The following ACVR2A variants were observed in gnomAD, a reference collection of about 807,000 sequenced individuals.
ACVR2A encodes the protein activin receptor type-2A.
In ACVR2A, 7 loss-of-function variants were observed where a neutral mutation model predicts 61.4. The ratio of observed to expected loss-of-function variants is 0.11; its 90% CI spans 0.06 to 0.21. The LOEUF (loss-of-function observed/expected upper bound fraction) is 0.21. Ranked by LOEUF, ACVR2A falls within the 10% of genes least tolerant of loss-of-function variation. The pLI is 1.00. For missense variants in ACVR2A, 322 were observed against 621.7 expected (o/e 0.52, Z 5.13); for synonymous variants, 193 against 208.3 (o/e 0.93, Z 0.63).
At chr2:147,894,075 T>A (rs1418296394) in intron 1 of ACVR2A, among the ~76,000 whole-genome samples, 1 of 152,150 alleles carries the variant, frequency 6.6e-6, no homozygotes, top group Non-Finnish European at 1.5e-5. Flanking sequence ...TTGTTTTTTC[T>A]TTTTGTGTAT....
chr2:147,902,352 CTTA>C (rs1248755752), intron 4 of ACVR2A, among the ~76,000 whole-genome samples: 1 of 151,902 alleles, frequency 6.6e-6, no homozygotes, highest in Admixed American at 6.6e-5. Flanking sequence ...AAGCTTTGTT[CTTA>C]TTACTTACGC....
intron 1 of ACVR2A, among the ~76,000 whole-genome samples, chr2:147,881,761 A>G (rs989145566): frequency 5.3e-5 from 8 of 151,834 alleles, no homozygotes; most frequent in African/African-American, 1.9e-4. Flanking sequence ...TAACTTGTCT[A>G]TCATTAAGTT....
chr2:147,888,681 C>CTT (rs1156497786), intron 1 of ACVR2A, among the ~76,000 whole-genome samples: 500 of 136,748 alleles, frequency 3.7e-3, no homozygotes, highest in East Asian at 8.9e-3. Context: ...GCTGCTGCTT[C>CTT]TTTTTTTTTT....
At chr2:147,910,949 A>G (rs538291045) in intron 4 of ACVR2A, among the ~76,000 whole-genome samples, 104 of 152,242 alleles carry the variant, frequency 6.8e-4, no homozygotes, top group African/African-American at 2.4e-3. Flanking sequence ...GCACATAGCC[A>G]CCAGAAACAT....
At chr2:147,850,336 T>C (rs1685413254) in intron 1 of ACVR2A, among the ~76,000 whole-genome samples, 1 of 152,160 alleles carries the variant, frequency 6.6e-6, no homozygotes, top group Non-Finnish European at 1.5e-5. Flanking sequence ...CCAGATAGTC[T>C]TTTCCACTGT....
chr2:147,926,879 CTT>C (rs1402580258), intron 10 of ACVR2A, among the ~76,000 whole-genome samples, 199 bp from the exon 11 acceptor site: 2 of 151,294 alleles, frequency 1.3e-5, no homozygotes, highest in Non-Finnish European at 1.5e-5. Context: ...AAAAATTCCT[CTT>C]GTGATAGTCT....
In ACVR2A at chr2:147,930,635, C is replaced by G. The variant is rs909541323; in HGVS notation, c.*3361C>G. ...GTTATTTTCGCTTTACTCTGTATTT[C>G]TTGTGTTTTGGGCACAGGTTATTGT... On this transcript the variant is annotated 3_prime_UTR_variant, in exon 11 of 11. Coordinates refer to ENST00000241416, the MANE Select transcript of ACVR2A (RefSeq NM_001616.5). 1.3e-5 allele frequency: 2 copies of G among 152,220 alleles called. No homozygotes were observed. Among genetic ancestry groups the G allele is most frequent in the Non-Finnish European group, 2.9e-5 (2 of 67,922 alleles). The allele number at this position is 152,220 out of a possible 1,614,324, so 9.4% of individuals were successfully genotyped here. A position where few individuals can be genotyped will look rare whatever the true frequency, so the allele number is the denominator to read the frequency against.
rs1687612773 is a variant in ACVR2A at position 147,929,709 on chromosome 2, A to C, written c.*2435A>C. 6.6e-6 allele frequency: 1 copy of C among 152,188 alleles called. No homozygotes were observed. The highest frequency in any genetic ancestry group is 1.5e-5 in the Non-Finnish European group (1 of 67,970). The allele number at this position is 152,188 out of a possible 1,614,324, so 9.4% of individuals were successfully genotyped here. ...CAGTGCAGAGTGGGCAAGTTAACAG[A>C]AAGTTTGAGCTAGAGATACTGGAAA... On this transcript the variant is annotated 3_prime_UTR_variant, in exon 11 of 11. Transcript: ENST00000241416.
At chr2:147,890,366 G>GTGTGTGTGTGTA (rs1205401984) in intron 1 of ACVR2A, among the ~76,000 whole-genome samples, 2 of 151,746 alleles carry the variant, frequency 1.3e-5, no homozygotes, top group Non-Finnish European at 2.9e-5. Context: ...GTGTGTGTGT[G>GTGTGTGTGTGTA]TGTATACACA....
intron 1 of ACVR2A, among the ~76,000 whole-genome samples, chr2:147,856,376 T>G (rs1685574015): frequency 6.6e-6 from 1 of 152,226 alleles, no homozygotes; most frequent in South Asian, 2.1e-4. Context: ...GATTTTTTCA[T>G]TTTGGAAGCA....
chr2:147,908,906 A>G (rs1419869392), intron 4 of ACVR2A, among the ~76,000 whole-genome samples: 1 of 152,122 alleles, frequency 6.6e-6, no homozygotes, highest in East Asian at 1.9e-4. Context: ...ATCTTATAAC[A>G]CATATCATAT....
chr2:147,851,404 T>C (rs1168156704), intron 1 of ACVR2A, among the ~76,000 whole-genome samples: 1 of 152,122 alleles, frequency 6.6e-6, no homozygotes, highest in Non-Finnish European at 1.5e-5. Context: ...TGGGGGGATA[T>C]TAATAGTGCC....
intron 1 of ACVR2A, among the ~76,000 whole-genome samples, chr2:147,850,112 G>T (rs1324442469): frequency 6.6e-6 from 1 of 152,042 alleles, no homozygotes; most frequent in Non-Finnish European, 1.5e-5. Flanking sequence ...TCACTGCTCT[G>T]TAACTCATTG....
rs1161332561 is a variant in ACVR2A, at chr2:147,845,210, A to G, written c.55+3A>G. 1 of 1,611,600 alleles carries G rather than the reference A, an allele frequency of 6.2e-7. No homozygotes were observed. Among genetic ancestry groups the G allele is most frequent in the African/African-American group, 1.3e-5 (1 of 74,550 alleles). ...CTTTCTTATCTCCTGTTCTTCAGGT[A>G]GGTGCAGGGAGCGCGGCGCGGTGGG... On this transcript the variant is annotated splice_donor_region_variant and intron_variant, in intron 1 of 10. Transcript: ENST00000241416.
chr2:147,855,080 C>T (rs1468273549), intron 1 of ACVR2A, among the ~76,000 whole-genome samples: 1 of 152,084 alleles, frequency 6.6e-6, no homozygotes, highest in Admixed American at 6.6e-5. Context: ...GGGGTTTAAC[C>T]ATGTTGGGCA....
intron 4 of ACVR2A, chr2:147,900,657 GTAGT>G (rs1397992686): frequency 3.9e-5 from 6 of 151,992 alleles, no homozygotes; most frequent in Admixed American, 1.3e-4. Flanking sequence ...TTTCATGGAA[GTAGT>G]TAGTATTCTA....
chr2:147,852,108 A>T (rs1685464381), intron 1 of ACVR2A, among the ~76,000 whole-genome samples: 1 of 152,082 alleles, frequency 6.6e-6, no homozygotes, highest in African/African-American at 2.4e-5. Flanking sequence ...TAAAATTAGA[A>T]TTTGAATTAT....
intron 4 of ACVR2A, among the ~76,000 whole-genome samples, chr2:147,907,020 A>G (rs1205398289): frequency 2.0e-5 from 3 of 151,786 alleles, no homozygotes; most frequent in Non-Finnish European, 4.4e-5. Flanking sequence ...GCCCCAGTGT[A>G]CGTTGTTCAC....
At chr2:147,918,402 G>A in intron 6 of ACVR2A, 45 bp from the exon 7 acceptor site, 1 of 1,556,008 alleles carries the variant, frequency 6.4e-7, no homozygotes, top group African/African-American at 1.4e-5. Flanking sequence ...TATACATATG[G>A]CCTTTGTCAA....
Sources: allele counts gnomAD v4.1 joint callset (sites outside exome capture counted in the v4.1 genomes callset), GRCh38; gene constraint gnomAD v4.1.1; transcripts MANE v1.5; gene names NCBI Gene and HGNC (gene_info 2026-07-23, HGNC 2026-07-21).